The following GOLIM4 variants were observed in gnomAD, a reference collection of about 807,000 sequenced individuals.
GOLIM4 encodes golgi integral membrane protein 4.
A neutral mutation model predicts 107.4 loss-of-function variants in GOLIM4; 71 were observed. That is an observed-to-expected ratio of 0.66 (90% CI 0.55 to 0.81). GOLIM4 has a LOEUF of 0.81. Ranked by LOEUF, GOLIM4 falls within the 30% of genes least tolerant of loss-of-function variation. GOLIM4 has a pLI of 0.00. For synonymous variants in GOLIM4, 327 were observed against 294.8 expected (o/e 1.11, Z -1.12); for missense variants, 830 against 826.1 (o/e 1.00, Z -0.06).
intron 3 of GOLIM4, among the ~76,000 whole-genome samples, chr3:168,046,328 A>G (rs1233199954): frequency 6.6e-6 from 1 of 151,778 alleles, no homozygotes; most frequent in Admixed American, 6.6e-5. Flanking sequence ...TTTATTGATC[A>G]TTCTTGGGTG....
chr3:168,037,102 G>C (rs1718696583), intron 7 of GOLIM4, 108 bp from the exon 8 acceptor site: 1 of 508,160 alleles, frequency 2.0e-6, no homozygotes, highest in Non-Finnish European at 3.5e-6. Flanking sequence ...CTAAATACAA[G>C]TTAGAAAAAC....
chr3:168,061,031 G>T (rs1459191623), intron 1 of GOLIM4, among the ~76,000 whole-genome samples: 1 of 152,046 alleles, frequency 6.6e-6, no homozygotes, highest in East Asian at 1.9e-4. Flanking sequence ...AAAGTATGAT[G>T]GAGGTTAAAC....
chr3:168,024,434 G>T, intron 14 of GOLIM4, 92 bp downstream of exon 14: 1 of 943,734 alleles, frequency 1.1e-6, no homozygotes, highest in Non-Finnish European at 1.7e-6. Context: ...TTCTGTGGAA[G>T]GCATGTCAAA....
Position 168,095,914 on chromosome 3 carries a change from G to C in GOLIM4, c.-629C>G, listed in dbSNP as rs184740275. On this transcript the variant is annotated 5_prime_UTR_variant, in exon 1 of 16. Transcript: ENST00000470487. ...CCTGCCCAACTTACGTGTCACCCACGGCCCGGCTATTCTGGCCAACGGGAT... is the reference window on the plus strand; with the variant it reads ...CCTGCCCAACTTACGTGTCACCCACCGCCCGGCTATTCTGGCCAACGGGAT... The C allele has an allele frequency of 3.9e-5, 6 of 152,512 alleles. No homozygotes were observed. In the East Asian group the frequency reaches 9.7e-4, roughly 25 times the overall value. 9.4% of individuals were successfully genotyped at this position (152,512 alleles called of 1,614,324 possible).
At chr3:168,080,752 T>C (rs531053418) in intron 1 of GOLIM4, among the ~76,000 whole-genome samples, 47 of 152,272 alleles carry the variant, frequency 3.1e-4, no homozygotes, top group Non-Finnish European at 6.2e-4. Context: ...AGTGTTGCAA[T>C]AGGACTTTCC....
chr3:168,028,827 C>T (rs912995541), intron 11 of GOLIM4, among the ~76,000 whole-genome samples: 2 of 152,120 alleles, frequency 1.3e-5, no homozygotes, highest in Non-Finnish European at 2.9e-5. Context: ...TGATAAATTA[C>T]ATATTAAGTG....
At chr3:168,050,244 G>C (rs1445889870) in intron 1 of GOLIM4, among the ~76,000 whole-genome samples, 9 of 149,576 alleles carry the variant, frequency 6.0e-5, no homozygotes, top group Non-Finnish European at 1.3e-4. Context: ...CAAAAAGTTT[G>C]GTTCCAAGTC....
chr3:168,042,974 GTC>G (rs1719101204), intron 5 of GOLIM4, among the ~76,000 whole-genome samples: 2 of 152,174 alleles, frequency 1.3e-5, no homozygotes, highest in South Asian at 4.1e-4. Context: ...TCAACAGCAA[GTC>G]TCTGCTCCCT....
chr3:168,054,989 C>A (rs1376603555), intron 1 of GOLIM4, among the ~76,000 whole-genome samples: 1 of 152,176 alleles, frequency 6.6e-6, no homozygotes, highest in African/African-American at 2.4e-5. Flanking sequence ...GTAACTTTCA[C>A]CTTCCGCCAT....
chr3:168,027,757 G>C lies in GOLIM4; in HGVS notation c.1594C>G (p.Arg532Gly), dbSNP rs370455114. The C allele has an allele frequency of 6.2e-7, 1 of 1,611,696 alleles. No individual in the cohort carries two copies. Among genetic ancestry groups the C allele is most frequent in the Admixed American group, 1.7e-5 (1 of 60,002 alleles). The change falls in exon 12 of 16, where the codon CGA becomes GGA. Residue 532 changes from arginine (R) to glycine (G), a missense_variant. Arg to Gly is a moderately radical substitution (Grantham distance 125). Transcript: ENST00000470487. ...NRHEPREQGP[R>G]EADPESEADR... The stretch of plus-strand genomic sequence containing the variant: ...GCCTCAGATTCTGGGTCGGCTTCTC[G>C]GGGTCCTTGTTCACGAGGCTCATGT...
intron 11 of GOLIM4, 46 bp downstream of exon 11, chr3:168,029,177 A>G (rs1472419252): frequency 1.7e-5 from 21 of 1,205,486 alleles, no homozygotes; most frequent in Non-Finnish European, 2.5e-5. Flanking sequence ...ATACAATGTT[A>G]TCAAGTAATT....
intron 1 of GOLIM4, among the ~76,000 whole-genome samples, chr3:168,060,447 G>A (rs553287661): frequency 6.6e-6 from 1 of 152,278 alleles, no homozygotes; most frequent in East Asian, 1.9e-4. Flanking sequence ...TATCAGCTGA[G>A]ATGGGGAAGG....
intron 1 of GOLIM4, 63 bp from the exon 2 acceptor site, chr3:168,048,428 C>T: frequency 1.3e-6 from 1 of 764,370 alleles, no homozygotes; most frequent in Non-Finnish European, 2.2e-6. Context: ...AAATTAACAT[C>T]AATTTTTAAA....
chr3:168,043,374 A>C lies in GOLIM4; in HGVS notation c.517+5T>G. On this transcript the variant is annotated splice_donor_5th_base_variant and intron_variant, in intron 5 of 15. Coordinates refer to ENST00000470487, the MANE Select transcript of GOLIM4 (RefSeq NM_014498.5). ...GATAAACTGGCTAATCAGATTTCCA[A>C]ATACCTTTTAGCTTAGAAAGTTCTT... The C allele has an allele frequency of 6.3e-7, 1 of 1,597,136 alleles. No homozygotes were observed. Among genetic ancestry groups the C allele is most frequent in the Non-Finnish European group, 8.5e-7 (1 of 1,172,090 alleles).
chr3:168,062,423 GGTTT>G (rs1720324878), intron 1 of GOLIM4, among the ~76,000 whole-genome samples: 1 of 150,900 alleles, frequency 6.6e-6, no homozygotes, highest in Middle Eastern at 3.4e-3. Flanking sequence ...TTAGTGGAAA[GGTTT>G]GTTTATAAAG....
At chr3:168,092,816 G>T (rs1036652932) in intron 1 of GOLIM4, among the ~76,000 whole-genome samples, 11 of 151,936 alleles carry the variant, frequency 7.2e-5, no homozygotes, top group African/African-American at 2.4e-4. Context: ...CAAAATAAAT[G>T]CTACTGAAGT....
chr3:168,019,643 T>C (rs934280216), intron 14 of GOLIM4, among the ~76,000 whole-genome samples: 1 of 152,218 alleles, frequency 6.6e-6, no homozygotes, highest in African/African-American at 2.4e-5. Context: ...TTTATATCAC[T>C]TAACTCATTT....
rs375715655 is a variant in GOLIM4, at chr3:168,036,819, C to T, written c.843+17G>A. 3 of 1,578,364 alleles carry T rather than the reference C, an allele frequency of 1.9e-6. No homozygotes were observed. The highest frequency in any genetic ancestry group is 1.2e-5 in the South Asian group (1 of 85,660). On this transcript the variant is annotated intron_variant, in intron 8 of 15. Transcript: ENST00000470487. Reference sequence around the variant, plus strand: ...AGAAAGTGACCTAACCATAGATTACCAGTTCACGCCCCTTACCTCCTGCAC... The same window carrying T: ...AGAAAGTGACCTAACCATAGATTACTAGTTCACGCCCCTTACCTCCTGCAC...
At chr3:168,093,093 T>TA (rs1293167922) in intron 1 of GOLIM4, among the ~76,000 whole-genome samples, 2 of 151,884 alleles carry the variant, frequency 1.3e-5, no homozygotes, top group African/African-American at 2.4e-5. Flanking sequence ...CCACCACCAC[T>TA]AAAAAAAGAA....
Sources: allele counts gnomAD v4.1 joint callset (sites outside exome capture counted in the v4.1 genomes callset), GRCh38; gene constraint gnomAD v4.1.1; transcripts MANE v1.5; gene names NCBI Gene and HGNC (gene_info 2026-07-23, HGNC 2026-07-21).